The following KCNH7 variants were observed in gnomAD, a reference collection of about 807,000 sequenced individuals.
KCNH7 encodes potassium voltage-gated channel subfamily H member 7.
Under a neutral mutation model 120.8 loss-of-function variants are expected in KCNH7, and 49 were observed. That is an observed-to-expected ratio of 0.41 (90% CI 0.32 to 0.51). KCNH7 has a LOEUF of 0.51. KCNH7 is among the 20% of genes least tolerant of loss of function. The pLI, the probability that KCNH7 is intolerant of heterozygous loss-of-function variation, is 0.38. For missense variants in KCNH7, 1,097 were observed against 1,446.6 expected (o/e 0.76, Z 3.92); for synonymous variants, 547 against 516.1 (o/e 1.06, Z -0.81).
At chr2:162,424,624 A>G (rs765039428) in intron 8 of KCNH7, among the ~76,000 whole-genome samples, 3 of 152,196 alleles carry the variant, frequency 2.0e-5, no homozygotes, top group Non-Finnish European at 4.4e-5. Flanking sequence ...TTTATAAACA[A>G]TTGCTTCTAT....
chr2:162,558,077 T>C (rs1049796449), intron 2 of KCNH7, among the ~76,000 whole-genome samples: 1 of 152,318 alleles, frequency 6.6e-6, no homozygotes. Flanking sequence ...AAACATCTTA[T>C]AGGTCAGAAA....
chr2:162,829,745 T>A (rs1685406420), intron 2 of KCNH7, among the ~76,000 whole-genome samples: 1 of 148,754 alleles, frequency 6.7e-6, no homozygotes, highest in South Asian at 2.1e-4. Flanking sequence ...ATGGTAAAAA[T>A]TGTTTTTAAT....
intron 2 of KCNH7, among the ~76,000 whole-genome samples, chr2:162,650,737 T>C (rs1472344769): frequency 6.6e-6 from 1 of 152,208 alleles, no homozygotes; most frequent in African/African-American, 2.4e-5. Flanking sequence ...CTGCCTCCCC[T>C]ACTAGACGTT....
chr2:162,562,505 C>G (rs1220716597), intron 2 of KCNH7, among the ~76,000 whole-genome samples: 1 of 152,092 alleles, frequency 6.6e-6, no homozygotes, highest in South Asian at 2.1e-4. Context: ...GTCCAAGATG[C>G]TGTAGCAAAA....
chr2:162,473,318 G>A (rs1689628659), intron 6 of KCNH7, among the ~76,000 whole-genome samples: 1 of 152,102 alleles, frequency 6.6e-6, no homozygotes, highest in African/African-American at 2.4e-5. Flanking sequence ...TGGCTTGGGA[G>A]TGAAGCAATT....
At chr2:162,393,224 C>T (rs1250486443) in intron 12 of KCNH7, among the ~76,000 whole-genome samples, 1 of 151,892 alleles carries the variant, frequency 6.6e-6, no homozygotes, top group Non-Finnish European at 1.5e-5. Flanking sequence ...AGACAGGTTT[C>T]CAGGGTGCAC....
At chr2:162,533,086 C>A (rs950686566) in intron 3 of KCNH7, among the ~76,000 whole-genome samples, 5 of 151,712 alleles carry the variant, frequency 3.3e-5, no homozygotes, top group African/African-American at 9.7e-5. Context: ...CCAAAATACA[C>A]TGACTGAGGA....
In KCNH7 at chr2:162,629,100, G is replaced by A. The variant is rs559620110; in HGVS notation, c.308-92020C>T. ...GCCAGGAACTGTGTGGTGATGTGGT[G>A]GAAATAGAAGTCTCCCACACAGGCC... is the stretch of plus-strand genomic sequence containing the variant. On this transcript the variant is annotated intron_variant, in intron 2 of 15. Transcript: ENST00000332142. Among the ~76,000 whole-genome samples, 5 of 152,156 alleles carry A rather than the reference G, an allele frequency of 3.3e-5. No homozygotes were observed. The South Asian group carries it at 1.0e-3, about 32-fold the overall frequency.
intron 6 of KCNH7, among the ~76,000 whole-genome samples, chr2:162,475,358 A>G (rs1316371075): frequency 6.6e-6 from 1 of 152,220 alleles, no homozygotes; most frequent in Admixed American, 6.5e-5. Context: ...GGGTATTTCT[A>G]GAATAATTTT....
chr2:162,614,718 T>TTA (rs1317947578), intron 2 of KCNH7, among the ~76,000 whole-genome samples: 1 of 148,402 alleles, frequency 6.7e-6, no homozygotes. Flanking sequence ...ATACTACATA[T>TTA]TATATATATA....
At chr2:162,505,354 A>G (rs1014795337) in intron 5 of KCNH7, among the ~76,000 whole-genome samples, 5 of 151,534 alleles carry the variant, frequency 3.3e-5, no homozygotes, top group Admixed American at 2.6e-4. Flanking sequence ...CCACTTTCTG[A>G]GAAAAAAAAA....
rs1161702332 is a variant in KCNH7, at chr2:162,788,369, A to G, written c.307+48168T>C. 3.3e-5 allele frequency among the ~76,000 whole-genome samples: 5 copies of G among 152,180 alleles called. No individual in the cohort carries two copies. In the East Asian group the frequency reaches 9.7e-4, roughly 29 times the overall value. Reference sequence around the variant, plus strand: ...GAGAACACCACTACCTGAAATAAAAATCAGGAGAACAATAAAAAACAAAAT... The same window carrying G: ...GAGAACACCACTACCTGAAATAAAAGTCAGGAGAACAATAAAAAACAAAAT... On this transcript the variant is annotated intron_variant, in intron 2 of 15. Coordinates refer to ENST00000332142, the MANE Select transcript of KCNH7 (RefSeq NM_033272.4).
chr2:162,830,429 C>T (rs951592297), intron 2 of KCNH7, among the ~76,000 whole-genome samples: 2 of 151,990 alleles, frequency 1.3e-5, no homozygotes, highest in African/African-American at 4.8e-5. Flanking sequence ...AATAATGCTG[C>T]GTTCTTTATT....
intron 2 of KCNH7, among the ~76,000 whole-genome samples, chr2:162,539,791 T>A (rs1692240051): frequency 6.6e-6 from 1 of 152,112 alleles, no homozygotes; most frequent in Admixed American, 6.6e-5. Flanking sequence ...CATACTTTTC[T>A]CTTTTAGTTT....
At chr2:162,400,488 C>G in intron 9 of KCNH7, 47 bp from the exon 10 acceptor site, 1 of 1,592,520 alleles carries the variant, frequency 6.3e-7, no homozygotes, top group Non-Finnish European at 8.6e-7. Context: ...TTCTGGGTAT[C>G]TCTGCCTGAA....
At chr2:162,508,016 C>A (rs1435287827) in intron 5 of KCNH7, among the ~76,000 whole-genome samples, 1 of 151,564 alleles carries the variant, frequency 6.6e-6, no homozygotes, top group African/African-American at 2.4e-5. Flanking sequence ...TATATTTGAA[C>A]ACTAACATAT....
chr2:162,753,031 A>AAGGATGCTTTAAAAATATGG (rs1559116574), intron 2 of KCNH7, among the ~76,000 whole-genome samples: 1 of 127,766 alleles, frequency 7.8e-6, no homozygotes, highest in Admixed American at 7.7e-5. Context: ...AAGAAAAGAA[A>AAGGATGCTTTAAAAATATGG]CCCTGACTAA....
At chr2:162,573,673 T>C (rs1273399061) in intron 2 of KCNH7, among the ~76,000 whole-genome samples, 1 of 152,028 alleles carries the variant, frequency 6.6e-6, no homozygotes, top group African/African-American at 2.4e-5. Flanking sequence ...GTTGCATACA[T>C]CTAAATTAAG....
intron 2 of KCNH7, among the ~76,000 whole-genome samples, chr2:162,621,577 C>T (rs1229926587): frequency 1.3e-5 from 2 of 152,000 alleles, no homozygotes; most frequent in Non-Finnish European, 2.9e-5. Flanking sequence ...GTGAATAAAA[C>T]CACGTAGAAT....
Sources: allele counts gnomAD v4.1 joint callset (sites outside exome capture counted in the v4.1 genomes callset), GRCh38; gene constraint gnomAD v4.1.1; transcripts MANE v1.5; gene names NCBI Gene and HGNC (gene_info 2026-07-23, HGNC 2026-07-21).